The following CHRM3 variants were observed in gnomAD, a reference collection of about 807,000 sequenced individuals.
The protein encoded by CHRM3 is cholinergic receptor muscarinic 3, also known as muscarinic acetylcholine receptor M3.
A neutral mutation model predicts 41.8 loss-of-function variants in CHRM3; 11 were observed. That is an observed-to-expected ratio of 0.26 (90% CI 0.17 to 0.44). The LOEUF (loss-of-function observed/expected upper bound fraction) is 0.44. Ranked by LOEUF, CHRM3 falls within the 20% of genes least tolerant of loss-of-function variation. CHRM3 has a pLI of 1.00. For missense variants in CHRM3, 571 were observed against 745.4 expected, an observed-to-expected ratio of 0.77 and a Z score of 2.72; for synonymous variants, 297 against 301.4, an observed-to-expected ratio of 0.99 and a Z score of 0.15.
At chr1:239,675,206 G>A (rs1899611) in intron 4 of CHRM3, among the ~76,000 whole-genome samples, 16,505 of 152,196 alleles carry the variant, frequency 0.11, 1,244 homozygotes, top group African/African-American at 0.21. Context: ...CAAATGGGAA[G>A]TACATTCAGA....
intron 3 of CHRM3, among the ~76,000 whole-genome samples, chr1:239,592,435 T>C (rs12089818): frequency 0.82 from 125,316 of 152,082 alleles, 53,913 homozygotes; most frequent in Non-Finnish European, 0.93. Context: ...TTAATAGCCA[T>C]GTCATTCTCC....
intron 5 of CHRM3, among the ~76,000 whole-genome samples, chr1:239,764,206 A>C (rs1572218057): frequency 1.3e-5 from 2 of 152,132 alleles, no homozygotes; most frequent in South Asian, 4.1e-4. Flanking sequence ...CACCTTCATT[A>C]ATGTGGTTAT....
At chr1:239,746,440 G>A (rs1221338086) in intron 5 of CHRM3, among the ~76,000 whole-genome samples, 1 of 152,144 alleles carries the variant, frequency 6.6e-6, no homozygotes, top group Non-Finnish European at 1.5e-5. Flanking sequence ...ATTCTCCAAA[G>A]TGATTGTTAT....
At chr1:239,707,028 C>G (rs559841591) in intron 5 of CHRM3, 1 of 152,166 alleles carries the variant, frequency 6.6e-6, no homozygotes, top group South Asian at 2.1e-4. Context: ...GGAACATAGA[C>G]TTTGGAGTCT....
chr1:239,893,174 C>G (rs1272506297), intron 6 of CHRM3, among the ~76,000 whole-genome samples: 1 of 152,148 alleles, frequency 6.6e-6, no homozygotes, highest in Non-Finnish European at 1.5e-5. Flanking sequence ...ACACAGCGAG[C>G]AGTGCCTGGC....
intron 5 of CHRM3, among the ~76,000 whole-genome samples, chr1:239,713,451 G>A (rs555986108): frequency 1.3e-5 from 2 of 152,190 alleles, no homozygotes; most frequent in East Asian, 3.9e-4. Flanking sequence ...ATGTTGAGGG[G>A]AACAAAATAA....
At chr1:239,906,931 G>T (rs1255577460) in intron 6 of CHRM3, among the ~76,000 whole-genome samples, 1 of 152,098 alleles carries the variant, frequency 6.6e-6, no homozygotes, top group East Asian at 1.9e-4. Flanking sequence ...CCCTTCTCCA[G>T]GTTGGCATTG....
intron 4 of CHRM3, among the ~76,000 whole-genome samples, chr1:239,676,534 C>A (rs1658019390): frequency 2.0e-5 from 3 of 152,190 alleles, no homozygotes; most frequent in Admixed American, 2.0e-4. Flanking sequence ...CATTCACTGT[C>A]AAGAAATAGT....
At chr1:239,416,101 G>A (rs1208732036) in intron 1 of CHRM3, among the ~76,000 whole-genome samples, 2 of 152,044 alleles carry the variant, frequency 1.3e-5, no homozygotes, top group African/African-American at 4.8e-5. Context: ...ATTTGATCTG[G>A]ATTTCAAAAT....
chr1:239,499,459 C>G (rs1463944226), intron 2 of CHRM3, among the ~76,000 whole-genome samples: 1 of 152,100 alleles, frequency 6.6e-6, no homozygotes, highest in Admixed American at 6.6e-5. Flanking sequence ...AGCAAGATTA[C>G]AAGAAGTAGT....
chr1:239,672,156 C>G (rs1674437943), intron 4 of CHRM3, among the ~76,000 whole-genome samples: 1 of 152,174 alleles, frequency 6.6e-6, no homozygotes, highest in South Asian at 2.1e-4. Flanking sequence ...GAAAGCCTTA[C>G]AAGTTACTTT....
At chr1:239,704,008 G>C (rs1444529271) in intron 5 of CHRM3, 1 of 152,176 alleles carries the variant, frequency 6.6e-6, no homozygotes, top group African/African-American at 2.4e-5. Flanking sequence ...GTAGTTCTTT[G>C]GGAAGGTAAT....
intron 6 of CHRM3, among the ~76,000 whole-genome samples, chr1:239,866,250 A>G (rs1032042713): frequency 6.6e-5 from 10 of 151,972 alleles, no homozygotes; most frequent in South Asian, 2.1e-4. Flanking sequence ...GGTGGCGGGC[A>G]CCTGTAGTCC....
At chr1:239,894,335 C>T (rs977519747) in intron 6 of CHRM3, among the ~76,000 whole-genome samples, 3 of 152,206 alleles carry the variant, frequency 2.0e-5, no homozygotes, top group African/African-American at 7.2e-5. Flanking sequence ...AAGTGGATGC[C>T]TTGTGGTGGC....
intron 5 of CHRM3, among the ~76,000 whole-genome samples, chr1:239,733,303 A>C (rs573554240): frequency 6.6e-6 from 1 of 152,068 alleles, no homozygotes; most frequent in Non-Finnish European, 1.5e-5. Flanking sequence ...GCTCCCCCAA[A>C]GTACGCATAG....
chr1:239,455,120 C>T (rs1030633819), intron 1 of CHRM3, among the ~76,000 whole-genome samples: 16 of 152,014 alleles, frequency 1.1e-4, no homozygotes, highest in East Asian at 5.8e-4. Flanking sequence ...GGCGTGATCT[C>T]GGCTCAGCGC....
At chr1:239,778,804 G>T (rs1252251020) in intron 5 of CHRM3, among the ~76,000 whole-genome samples, 2 of 152,190 alleles carry the variant, frequency 1.3e-5, no homozygotes, top group East Asian at 3.9e-4. Context: ...GATTACAGGG[G>T]ATGCCAGGTC....
At chr1:239,761,401 G>A (rs1666760393) in intron 5 of CHRM3, among the ~76,000 whole-genome samples, 1 of 152,070 alleles carries the variant, frequency 6.6e-6, no homozygotes, top group Non-Finnish European at 1.5e-5. Context: ...CTCTTTATGT[G>A]TTGCATGTTT....
chr1:239,445,737 C>T (rs986804345), intron 1 of CHRM3, among the ~76,000 whole-genome samples: 1 of 152,078 alleles, frequency 6.6e-6, no homozygotes, highest in Non-Finnish European at 1.5e-5. Flanking sequence ...ATAGTATTAG[C>T]TCTTATTATT....
Sources: allele counts gnomAD v4.1 joint callset (sites outside exome capture counted in the v4.1 genomes callset), GRCh38; gene constraint gnomAD v4.1.1; transcripts MANE v1.5; gene names NCBI Gene and HGNC (gene_info 2026-07-23, HGNC 2026-07-21).